Variants in HSD17B4 observed in about 807,000 individuals in gnomAD.
The protein encoded by HSD17B4 is peroxisomal multifunctional enzyme type 2.
In HSD17B4, 70 loss-of-function variants were observed where a neutral mutation model predicts 101.0. The observed-to-expected ratio is 0.69, with a 90% confidence interval of 0.57 to 0.85. The LOEUF is 0.85. Ranked by LOEUF, HSD17B4 falls within the 40% of genes least tolerant of loss-of-function variation. HSD17B4 has a pLI of 0.00. For missense variants in HSD17B4, 984 were observed against 892.4 expected, an observed-to-expected ratio of 1.10 and a Z score of -1.31; for synonymous variants, 347 against 297.1, an observed-to-expected ratio of 1.17 and a Z score of -1.73.
In HSD17B4 at chr5:119,509,307, G is replaced by C. The variant is rs528396973; in HGVS notation, c.1437+63G>C. On this transcript the variant is annotated intron_variant, in intron 16 of 23. Coordinates refer to ENST00000510025, the MANE Select transcript of HSD17B4 (RefSeq NM_000414.4). ...TAAGGATTCTTACCTATACAATTGA[G>C]ACTTGAACAGCATGAGTTTGAACTG... 72 of 1,000,364 alleles carry C rather than the reference G, an allele frequency of 7.2e-5. No individual in the cohort carries two copies. The Admixed American group carries it at 7.9e-4, about 11-fold the overall frequency. 62.0% of individuals were successfully genotyped at this position (1,000,364 alleles called of 1,614,324 possible).
chr5:119,477,614 AT>A lies in HSD17B4; in HGVS notation c.434+114del. On this transcript the variant is annotated intron_variant, in intron 7 of 23. Transcript: ENST00000510025. ...GAAATGATTTATGACATTGAGGAAT[AT>A]GTACAACCTTTTAACATATGGTTTT... 3 of 805,868 alleles carry A rather than the reference AT, an allele frequency of 3.7e-6. No homozygotes were observed. In the South Asian group the frequency reaches 4.1e-5, roughly 11 times the overall value. The allele number at this position is 805,868 out of a possible 1,614,324, so 49.9% of individuals were successfully genotyped here. A position where few individuals can be genotyped will look rare whatever the true frequency, so the allele number is the denominator to read the frequency against.
chr5:119,458,416 T>G (rs1480056542), intron 2 of HSD17B4, among the ~76,000 whole-genome samples: 1 of 151,686 alleles, frequency 6.6e-6, no homozygotes, highest in Non-Finnish European at 1.5e-5. Context: ...TGATCTTGGC[T>G]CACTGCAACG....
chr5:119,521,920 T>G (rs1753147592), intron 17 of HSD17B4, among the ~76,000 whole-genome samples: 1 of 144,900 alleles, frequency 6.9e-6, no homozygotes, highest in Non-Finnish European at 1.5e-5. Flanking sequence ...TCAGTTTTGG[T>G]TTTTTTTTTT....
intron 2 of HSD17B4, among the ~76,000 whole-genome samples, chr5:119,466,351 C>G (rs1435839935): frequency 2.0e-5 from 3 of 152,150 alleles, no homozygotes; most frequent in Admixed American, 6.5e-5. Context: ...TGTTCCCTCC[C>G]CCTTCAATTT....
At chr5:119,464,092 C>T (rs970415601) in intron 2 of HSD17B4, among the ~76,000 whole-genome samples, 3 of 152,072 alleles carry the variant, frequency 2.0e-5, no homozygotes, top group Non-Finnish European at 4.4e-5. Flanking sequence ...GGATATTAAT[C>T]TCTTGTTGGA....
intron 1 of HSD17B4, among the ~76,000 whole-genome samples, chr5:119,456,095 T>C (rs1754613260): frequency 6.6e-6 from 1 of 152,026 alleles, no homozygotes. Context: ...TGGTAGGAAG[T>C]GGTAGTAGAA....
At chr5:119,510,513 G>A (rs1356535861) in intron 16 of HSD17B4, among the ~76,000 whole-genome samples, 1 of 152,108 alleles carries the variant, frequency 6.6e-6, no homozygotes, top group African/African-American at 2.4e-5. Flanking sequence ...ATTATTTAAA[G>A]CAGTATTGGG....
At chr5:119,475,935 A>T in intron 6 of HSD17B4, 65 bp downstream of exon 6, 1 of 1,215,270 alleles carries the variant, frequency 8.2e-7, no homozygotes, top group African/African-American at 1.5e-5. Context: ...AGTATTTGAT[A>T]AATTTATACA....
chr5:119,515,789 T>C (rs1442859222), intron 17 of HSD17B4, among the ~76,000 whole-genome samples: 1 of 152,108 alleles, frequency 6.6e-6, no homozygotes, highest in African/African-American at 2.4e-5. Context: ...TAACAGCAAA[T>C]TGTTCAGAAA....
intron 16 of HSD17B4, chr5:119,509,451 G>A (rs1751971531): frequency 1.5e-6 from 1 of 685,170 alleles, no homozygotes. Context: ...TGAGGATGAT[G>A]AGGATGAAGA....
At chr5:119,459,735 C>G (rs938622465) in intron 2 of HSD17B4, among the ~76,000 whole-genome samples, 2 of 152,126 alleles carry the variant, frequency 1.3e-5, no homozygotes, top group Non-Finnish European at 1.5e-5. Flanking sequence ...TTTTCCTCTT[C>G]TTATAAAGCC....
chr5:119,500,225 TA>T (rs1171245758), intron 13 of HSD17B4, among the ~76,000 whole-genome samples: 1 of 151,928 alleles, frequency 6.6e-6, no homozygotes, highest in African/African-American at 2.4e-5. Flanking sequence ...GTAATCCAAG[TA>T]AAAGTGCTGC....
chr5:119,525,166 G>A, intron 17 of HSD17B4, 50 bp from the exon 18 acceptor site: 3 of 1,247,310 alleles, frequency 2.4e-6, no homozygotes, highest in South Asian at 2.4e-5. Context: ...TTCATTTAAT[G>A]TATTCTAACA....
chr5:119,521,229 A>G (rs935692756), intron 17 of HSD17B4, among the ~76,000 whole-genome samples: 3 of 152,154 alleles, frequency 2.0e-5, no homozygotes, highest in Non-Finnish European at 2.9e-5. Context: ...CTTACTTTGT[A>G]TGTTGCCTTT....
At chr5:119,453,115 AT>A (rs1433078718) in intron 1 of HSD17B4, among the ~76,000 whole-genome samples, 1 of 152,200 alleles carries the variant, frequency 6.6e-6, no homozygotes, top group Non-Finnish European at 1.5e-5. Context: ...CTGTCGTAAG[AT>A]TTTAAGTTCG....
chr5:119,542,140 A>T lies in HSD17B4; in HGVS notation c.*146A>T. 1 of 650,946 alleles carries T rather than the reference A, an allele frequency of 1.5e-6. No individual in the cohort carries two copies. The highest frequency in any genetic ancestry group is 2.8e-6 in the Non-Finnish European group (1 of 356,734). 40.3% of individuals were successfully genotyped at this position (650,946 alleles called of 1,614,324 possible). A position where few individuals can be genotyped will look rare whatever the true frequency, so the allele number is the denominator to read the frequency against. ...AGATATCAGATAACTGCAGATTTTCATTTTCTACTAATTTTTCATGTATCA... is the reference window on the plus strand; with the variant it reads ...AGATATCAGATAACTGCAGATTTTCTTTTTCTACTAATTTTTCATGTATCA... On this transcript the variant is annotated 3_prime_UTR_variant, in exon 24 of 24. Transcript: ENST00000510025.
rs1269109703 is a variant in HSD17B4, at chr5:119,527,176, C to G, written c.1724C>G (p.Thr575Ser). The G allele has an allele frequency of 6.2e-7, 1 of 1,610,398 alleles. No homozygotes were observed. Among genetic ancestry groups the G allele is most frequent in the Non-Finnish European group, 8.5e-7 (1 of 1,177,246 alleles). ...GTATATCCAGGACAAACTCTACAAA[C>G]TGAGATGTGGAAGGAAGGAAACAGA... ...KPVYPGQTLQ[T>S]EMWKEGNRIH... The change falls in exon 20 of 24, where the codon ACT (threonine) becomes AGT (serine). Residue 575 changes from threonine (T) to serine (S), a missense_variant. Physicochemically the swap from Thr to Ser is moderately conservative, Grantham distance 58. Transcript: ENST00000510025.
intron 19 of HSD17B4, 113 bp from the exon 20 acceptor site, chr5:119,527,020 A>G (rs1394141313): frequency 2.9e-6 from 2 of 683,730 alleles, no homozygotes; most frequent in Non-Finnish European, 5.3e-6. Context: ...ATATCTTTAA[A>G]CCTTGATTTT....
At chr5:119,484,855 G>T (rs1749472737) in intron 8 of HSD17B4, among the ~76,000 whole-genome samples, 1 of 152,084 alleles carries the variant, frequency 6.6e-6, no homozygotes, top group Non-Finnish European at 1.5e-5. Context: ...TTCCTTGACA[G>T]CAGAGCCATT....
Sources: gnomAD v4.1 joint callset for allele counts (sites outside exome capture counted in the v4.1 genomes callset) on GRCh38, gnomAD v4.1.1 for gene constraint, MANE v1.5 for transcripts, NCBI Gene and HGNC (gene_info 2026-07-23, HGNC 2026-07-21) for gene names.